The following VPS11 variants were observed in gnomAD, a reference collection of about 807,000 sequenced individuals.
VPS11 encodes VPS11 core subunit of CORVET and HOPS complexes, also known as vacuolar protein sorting-associated protein 11 homolog.
Under a neutral mutation model 106.8 loss-of-function variants are expected in VPS11, and 51 were observed. The observed-to-expected ratio is 0.48, with a 90% CI of 0.38 to 0.60. The LOEUF is 0.60. Among genes scored for constraint, VPS11 ranks in the 20% least tolerant of loss-of-function variants. VPS11 has a pLI of 0.00. For synonymous variants in VPS11, 453 were observed against 458.7 expected (o/e 0.99, Z 0.16); for missense variants, 950 against 1,190.0 (o/e 0.80, Z 2.97).
At position 119,073,294 on chromosome 11, in the gene VPS11, T is replaced by A; in HGVS notation, c.981T>A (p.Phe327Leu). ...CNKFIAYSTV[F>L]EDVVDVLAEW... The stretch of plus-strand genomic sequence containing the variant: ...AGTTCATAGCCTATAGCACCGTCTT[T>A]GAGGATGTAGTGGATGTGCTTGCTG... The change falls in exon 6 of 16, where the codon TTT (phenylalanine) becomes TTA (leucine). Residue 327 changes from phenylalanine to leucine, a missense_variant. Coordinates refer to ENST00000621676, the MANE Select transcript of VPS11 (RefSeq NM_021729.6). 6.2e-7 allele frequency: 1 copy of A among 1,614,008 alleles called. No homozygotes were observed. The highest frequency in any genetic ancestry group is 8.5e-7 in the Non-Finnish European group (1 of 1,179,882).
At chr11:119,068,096 T>C (rs1188636142) in intron 1 of VPS11, 86 bp downstream of exon 1, 1 of 1,422,576 alleles carries the variant, frequency 7.0e-7, no homozygotes, top group Non-Finnish European at 9.4e-7. Flanking sequence ...GAGGGGTCCG[T>C]GCCGCGCGCC....
intron 6 of VPS11, 155 bp downstream of exon 6, chr11:119,073,554 G>A (rs1212185640): frequency 6.7e-6 from 7 of 1,045,354 alleles, no homozygotes; most frequent in Non-Finnish European, 9.5e-6. Context: ...AATGGCCTGG[G>A]ATGGGGCTTT....
At chr11:119,071,914 C>G in intron 5 of VPS11, 71 bp downstream of exon 5, 3 of 1,557,808 alleles carry the variant, frequency 1.9e-6, no homozygotes, top group Non-Finnish European at 2.6e-6. Flanking sequence ...ATTTTAAAAT[C>G]CTAATGCCTG....
Position 119,077,528 on chromosome 11 carries a change from G to T in VPS11, c.1453G>T (p.Asp485Tyr). The change falls in exon 9 of 16, where the codon GAT becomes TAT. Residue 485 changes from aspartate to tyrosine, a missense_variant. Around this residue, in one of 3 missense-constraint regions of VPS11, gnomAD observed 435 missense variants for 630.2 expected, o/e 0.69. Coordinates refer to ENST00000621676, the MANE Select transcript of VPS11 (RefSeq NM_021729.6). Reference sequence around the variant, plus strand: ...AAAGAGTGAGAGTGAAGTCCACTTTGATGTGGAGACAGCCATCAAGGTCCT... The same window carrying T: ...AAAGAGTGAGAGTGAAGTCCACTTTTATGTGGAGACAGCCATCAAGGTCCT... ...KKKSESEVHFDVETAIKVLRQ... is the reference protein window; with the variant it reads ...KKKSESEVHFYVETAIKVLRQ... 6.2e-7 allele frequency: 1 copy of T among 1,614,014 alleles called. No individual in the cohort carries two copies.
intron 3 of VPS11, 138 bp from the exon 4 acceptor site, chr11:119,070,096 A>G (rs1300914650): frequency 5.0e-6 from 3 of 596,084 alleles, no homozygotes; most frequent in African/African-American, 3.7e-5. Flanking sequence ...GTGAGTACCA[A>G]TATTCAGGTT....
Position 119,081,828 on chromosome 11 carries a change from A to G in VPS11, c.*205A>G. On this transcript the variant is annotated 3_prime_UTR_variant, in exon 16 of 16. Coordinates refer to ENST00000621676, the MANE Select transcript of VPS11 (RefSeq NM_021729.6). ...CATCCCTCCTCTTCACTAGCAGTGT[A>G]GATCATTCCAGATCAGTGGGGGAGG... 2 of 662,544 alleles carry G rather than the reference A, an allele frequency of 3.0e-6. No individual in the cohort carries two copies. Among genetic ancestry groups the G allele is most frequent in the South Asian group, 4.1e-5 (2 of 48,314 alleles). The allele number at this position is 662,544 out of a possible 1,614,324, so 41.0% of individuals were successfully genotyped here. A position where few individuals can be genotyped will look rare whatever the true frequency, so the allele number is the denominator to read the frequency against.
At chr11:119,069,710 G>C in intron 3 of VPS11, 133 bp downstream of exon 3, 1 of 1,319,576 alleles carries the variant, frequency 7.6e-7, no homozygotes, top group Non-Finnish European at 1.0e-6. Flanking sequence ...TTAAATTTTG[G>C]AATGGGGGCC....
intron 3 of VPS11, 150 bp downstream of exon 3, chr11:119,069,727 G>A (rs1330209672): frequency 9.9e-6 from 11 of 1,116,692 alleles, no homozygotes; most frequent in Admixed American, 2.3e-5. Context: ...GGCCAGGCGC[G>A]GTGGCTCATG....
At chr11:119,080,839 G>A (rs1259671831) in intron 14 of VPS11, among the ~76,000 whole-genome samples, 2 of 152,208 alleles carry the variant, frequency 1.3e-5, no homozygotes, top group East Asian at 3.8e-4. Context: ...TTTAGTGGCA[G>A]TTGTGAAAAT....
chr11:119,081,072 C>A lies in VPS11; in HGVS notation c.2439-20C>A. 6.2e-7 allele frequency: 1 copy of A among 1,609,304 alleles called. No individual in the cohort carries two copies. Among genetic ancestry groups the A allele is most frequent in the Non-Finnish European group, 8.5e-7 (1 of 1,175,730 alleles). ...TTGCCCTCACTTTTGCCACTCACTT[C>A]TGGTCTTTCTTCCCTGTAGTCCTAA... On this transcript the variant is annotated intron_variant, in intron 14 of 15. Coordinates refer to ENST00000621676, the MANE Select transcript of VPS11 (RefSeq NM_021729.6).
At chr11:119,079,333 G>A (rs782002977) in intron 14 of VPS11, 33 bp downstream of exon 14, 5 of 1,548,934 alleles carry the variant, frequency 3.2e-6, no homozygotes, top group Non-Finnish European at 4.4e-6. Context: ...GAGGAGTCCA[G>A]GGGATAACTT....
rs575694333 is a variant in VPS11, at chr11:119,078,553, C to G, written c.1924-12C>G. The G allele has an allele frequency of 2.7e-5, 43 of 1,605,790 alleles. No homozygotes were observed. The African/African-American group carries it at 5.7e-4, about 21-fold the overall frequency. On this transcript the variant is annotated splice_polypyrimidine_tract_variant and intron_variant, in intron 11 of 15. Transcript: ENST00000621676. ...CCTTTTGTCCAGCAGCTCTGCCCTC[C>G]TTCCTCTCCAGGTCAAAGAGAAGCT...
Position 119,078,278 on chromosome 11 carries a change from T to A in VPS11, c.1867T>A (p.Tyr623Asn). ...EVQPDSPQGI[Y>N]DTLLELRLQN... ...GCAGCCAGACTCACCCCAGGGGATC[T>A]ACGACACACTCCTTGAGCTGCGACT... Residue 623 changes from tyrosine (Y) to asparagine (N), a missense_variant, in exon 11 of 16, where the codon TAC (tyrosine) becomes AAC (asparagine). Physicochemically the swap from Tyr to Asn is moderately radical, Grantham distance 143. Coordinates refer to ENST00000621676, the MANE Select transcript of VPS11 (RefSeq NM_021729.6). 1 of 1,613,406 alleles carries A rather than the reference T, an allele frequency of 6.2e-7. No homozygotes were observed. The highest frequency in any genetic ancestry group is 2.2e-5 in the East Asian group (1 of 44,882).
rs782363850 is a variant in VPS11, at chr11:119,079,183, A to G, written c.2321A>G (p.Tyr774Cys). The change falls in exon 14 of 16, where the codon TAC (tyrosine) becomes TGC (cysteine). Residue 774 changes from tyrosine (Y) to cysteine (C), a missense_variant. By Grantham distance (194) the Tyr-to-Cys change is radical. Coordinates refer to ENST00000621676, the MANE Select transcript of VPS11 (RefSeq NM_021729.6). ...GCCACACTCTCCGTCATCAGGGACT[A>G]CCTGGTCCAAAAACTACAGAAACAG... Reference protein sequence around the residue: ...STATLSVIRDYLVQKLQKQSQ... With the variant: ...STATLSVIRDCLVQKLQKQSQ... 1 of 1,613,760 alleles carries G rather than the reference A, an allele frequency of 6.2e-7. No homozygotes were observed. Among genetic ancestry groups the G allele is most frequent in the Non-Finnish European group, 8.5e-7 (1 of 1,179,792 alleles).
In VPS11 at chr11:119,079,211, C is replaced by G. The variant is rs935749095; in HGVS notation, c.2349C>G (p.Ser783Arg). ...DYLVQKLQKQ[S>R]QQIAQDELRV... Reference sequence around the variant, plus strand: ...TGGTCCAAAAACTACAGAAACAGAGCCAGCAGATTGCACAGGATGAGCTGC... The same window carrying G: ...TGGTCCAAAAACTACAGAAACAGAGGCAGCAGATTGCACAGGATGAGCTGC... The change falls in exon 14 of 16, where the codon AGC becomes AGG. Residue 783 changes from serine to arginine, a missense_variant. Coordinates refer to ENST00000621676, the MANE Select transcript of VPS11 (RefSeq NM_021729.6). The G allele has an allele frequency of 1.2e-6, 2 of 1,613,088 alleles. No individual in the cohort carries two copies. The highest frequency in any genetic ancestry group is 1.3e-5 in the African/African-American group (1 of 75,038).
rs1555201675 is a variant in VPS11 at position 119,069,002 on chromosome 11, C to CA, written c.188-194_188-193insA. ...CTGACCTCAGGTGATCCGCACCCCCCCCCCCCCCCGGCCTCCCAAAGTGCT... is the reference window on the plus strand; with the variant it reads ...CTGACCTCAGGTGATCCGCACCCCCCACCCCCCCCCGGCCTCCCAAAGTGCT... On this transcript the variant is annotated intron_variant, in intron 1 of 15. Transcript: ENST00000621676. Among the ~76,000 whole-genome samples the CA allele has an allele frequency of 3.7e-4, 19 of 51,500 alleles. 1 individual carries two copies. The highest frequency in any genetic ancestry group is 1.9e-3 in the Admixed American group (13 of 6,968). The allele number at this position is 51,500 out of a possible 152,430, so 33.8% of individuals were successfully genotyped here.
chr11:119,068,870 A>G (rs570611488), intron 1 of VPS11, among the ~76,000 whole-genome samples: 7 of 150,840 alleles, frequency 4.6e-5, no homozygotes, highest in Non-Finnish European at 8.8e-5. Flanking sequence ...TCCTGCCTCA[A>G]CCTCCTGAGT....
chr11:119,070,762 T>C (rs1447935063), intron 4 of VPS11: 1 of 157,012 alleles, frequency 6.4e-6, no homozygotes, highest in Non-Finnish European at 1.4e-5. Flanking sequence ...CACACCAGCA[T>C]GTCCAGCTAA....
At position 119,076,886 on chromosome 11, in the gene VPS11, T is replaced by A; in HGVS notation, c.1239-11T>A. On this transcript the variant is annotated splice_polypyrimidine_tract_variant and intron_variant, in intron 7 of 15. Transcript: ENST00000621676. Reference sequence around the variant, plus strand: ...TGATTCAGATGCTATCGGGTGCACATGTCTCCCTAGAACCATTGGAAAGTT... The same window carrying A: ...TGATTCAGATGCTATCGGGTGCACAAGTCTCCCTAGAACCATTGGAAAGTT... The A allele has an allele frequency of 6.2e-7, 1 of 1,613,738 alleles. No individual in the cohort carries two copies. The highest frequency in any genetic ancestry group is 8.5e-7 in the Non-Finnish European group (1 of 1,179,750).
Sources: allele counts gnomAD v4.1 joint callset (sites outside exome capture counted in the v4.1 genomes callset), GRCh38; gene constraint gnomAD v4.1.1; regional missense constraint gnomAD v4.1.1; transcripts MANE v1.5; gene names NCBI Gene and HGNC (gene_info 2026-07-23, HGNC 2026-07-21).